The following CPLX2 variants were observed in gnomAD, a reference collection of about 807,000 sequenced individuals.
CPLX2 encodes complexin 2.
A neutral mutation model predicts 16.3 loss-of-function variants in CPLX2; 5 were observed. That is an observed-to-expected ratio of 0.31 (90% CI 0.16 to 0.64). CPLX2 has a LOEUF of 0.64. Among genes scored for constraint, CPLX2 ranks in the 30% least tolerant of loss-of-function variants. The probability of loss-of-function intolerance (pLI) is 0.79; values close to 1 mark genes in which losing one functional copy is unlikely to be tolerated. For synonymous variants in CPLX2, 89 were observed against 73.2 expected (o/e 1.22, Z -1.10); for missense variants, 144 against 181.4 (o/e 0.79, Z 1.18).
intron 2 of CPLX2, among the ~76,000 whole-genome samples, chr5:175,811,284 A>C (rs1758307976): frequency 6.6e-6 from 1 of 152,180 alleles, no homozygotes; most frequent in South Asian, 2.1e-4. Context: ...TGAGAAGCAA[A>C]CTTCAGGATT....
At chr5:175,839,907 T>G (rs1401951603) in intron 2 of CPLX2, among the ~76,000 whole-genome samples, 2 of 152,280 alleles carry the variant, frequency 1.3e-5, no homozygotes, top group East Asian at 3.8e-4. Context: ...TCATTTGTAC[T>G]GCCAAATGTG....
upstream of CPLX2, among the ~76,000 whole-genome samples, chr5:175,871,175 C>T (rs886635555): frequency 2.6e-5 from 4 of 151,756 alleles, no homozygotes; most frequent in Non-Finnish European, 2.9e-5. Flanking sequence ...CACCCCTTGC[C>T]CCCACCACTC....
At chr5:175,829,993 A>C (rs547181073) in intron 2 of CPLX2, among the ~76,000 whole-genome samples, 605 of 152,276 alleles carry the variant, frequency 4.0e-3, no homozygotes, top group Non-Finnish European at 6.8e-3. Flanking sequence ...AGAGCCGCTG[A>C]ACCTTCTGCT....
chr5:175,818,650 CTTTTTTTT>C (rs70988300), intron 2 of CPLX2, among the ~76,000 whole-genome samples: 5 of 50,864 alleles, frequency 9.8e-5, no homozygotes, highest in East Asian at 7.4e-4. Flanking sequence ...CTGTCCCAAC[CTTTTTTTT>C]TTTTTTTTTT....
chr5:175,852,220 C>T (rs991494626), intron 2 of CPLX2, among the ~76,000 whole-genome samples: 1 of 152,192 alleles, frequency 6.6e-6, no homozygotes, highest in South Asian at 2.1e-4. Flanking sequence ...AAAAATAAGT[C>T]CTCACAGGAA....
chr5:175,847,470 T>C (rs1223747015), intron 2 of CPLX2, among the ~76,000 whole-genome samples: 1 of 152,202 alleles, frequency 6.6e-6, no homozygotes, highest in Non-Finnish European at 1.5e-5. Context: ...GCTCACAGCA[T>C]GCGTGGCCCA....
chr5:175,811,746 G>T (rs1333596983), intron 2 of CPLX2, among the ~76,000 whole-genome samples: 1 of 152,198 alleles, frequency 6.6e-6, no homozygotes, highest in Non-Finnish European at 1.5e-5. Context: ...CGAAGATAGA[G>T]GCCTTTCAGA....
intron 2 of CPLX2, among the ~76,000 whole-genome samples, chr5:175,847,443 C>T (rs555443325): frequency 2.0e-5 from 3 of 152,300 alleles, no homozygotes; most frequent in African/African-American, 7.2e-5. Context: ...GCTCCTAGTC[C>T]ATCACGACGT....
At chr5:175,854,173 C>T (rs961797580) in intron 2 of CPLX2, among the ~76,000 whole-genome samples, 7 of 152,228 alleles carry the variant, frequency 4.6e-5, no homozygotes, top group African/African-American at 1.7e-4. Context: ...CTGAGGCCCC[C>T]ACTTCTCACA....
At chr5:175,799,546 A>ATATATATT (rs1561766306) in intron 1 of CPLX2, among the ~76,000 whole-genome samples, 2 of 107,554 alleles carry the variant, frequency 1.9e-5, no homozygotes, top group Admixed American at 1.0e-4. Flanking sequence ...TTTCATATAT[A>ATATATATT]TATATATATA....
At chr5:175,811,748 C>A (rs560702465) in intron 2 of CPLX2, among the ~76,000 whole-genome samples, 1 of 152,256 alleles carries the variant, frequency 6.6e-6, no homozygotes, top group South Asian at 2.1e-4. Context: ...AAGATAGAGG[C>A]CTTTCAGAGA....
At chr5:175,834,906 C>T (rs76122870) in intron 2 of CPLX2, among the ~76,000 whole-genome samples, 11 of 152,176 alleles carry the variant, frequency 7.2e-5, no homozygotes, top group African/African-American at 2.2e-4. Context: ...AACAAACAAA[C>T]GAAAGTTTTG....
intron 3 of CPLX2, 172 bp from the exon 4 acceptor site, chr5:175,879,676 G>A: frequency 2.8e-6 from 2 of 718,786 alleles, no homozygotes; most frequent in Non-Finnish European, 5.1e-6. Flanking sequence ...CTCCCACTGA[G>A]GACCAGGCAC....
At chr5:175,854,276 G>T (rs2113682143) in intron 2 of CPLX2, among the ~76,000 whole-genome samples, 1 of 152,260 alleles carries the variant, frequency 6.6e-6, no homozygotes, top group South Asian at 2.1e-4. Flanking sequence ...GCCTTCGTTT[G>T]CTGGATCAAT....
upstream of CPLX2, chr5:175,871,568 C>T (rs1233241394): frequency 6.6e-6 from 1 of 152,120 alleles, no homozygotes; most frequent in Non-Finnish European, 1.5e-5. Flanking sequence ...CTTCGGCAGC[C>T]GCCCGCGGCA....
At position 175,812,661 on chromosome 5, in the gene CPLX2, A is replaced by T. The variant is rs114528377; in HGVS notation, c.-89+3593A>T. ...TTGGCTCATGGAAAAATAATGCACT[A>T]AATGGAGCCAAGGGACAGGGTGGTG... On this transcript the variant is annotated intron_variant, in intron 2 of 4. Coordinates refer to the CPLX2 transcript ENST00000359546. Among the ~76,000 whole-genome samples, 573 of 152,268 alleles carry T rather than the reference A, an allele frequency of 3.8e-3. 4 individuals carry two copies. The highest frequency in any genetic ancestry group is 0.013 in the African/African-American group (537 of 41,558).
chr5:175,848,774 A>G (rs1406696124), intron 2 of CPLX2, among the ~76,000 whole-genome samples: 1 of 152,240 alleles, frequency 6.6e-6, no homozygotes, highest in East Asian at 1.9e-4. Context: ...GGGAAGGGAC[A>G]TTCAAGCCAG....
intron 2 of CPLX2, among the ~76,000 whole-genome samples, chr5:175,847,192 A>G (rs1227781404): frequency 6.6e-6 from 1 of 152,194 alleles, no homozygotes; most frequent in African/African-American, 2.4e-5. Context: ...GAGTGCTGTG[A>G]GGCGAGGAGT....
chr5:175,841,995 C>A (rs1382524974), intron 2 of CPLX2, among the ~76,000 whole-genome samples: 1 of 152,228 alleles, frequency 6.6e-6, no homozygotes, highest in African/African-American at 2.4e-5. Flanking sequence ...AGACAGACAC[C>A]ATTCAATCAG....
Sources: allele counts gnomAD v4.1 joint callset (sites outside exome capture counted in the v4.1 genomes callset), GRCh38; gene constraint gnomAD v4.1.1; transcripts MANE v1.5; gene names NCBI Gene and HGNC (gene_info 2026-07-23, HGNC 2026-07-21).